SMYD1: variants seen among roughly 807,000 people sequenced by gnomAD.
SMYD1 encodes the protein histone-lysine N-methyltransferase SMYD1.
In SMYD1, 49 loss-of-function variants were observed where a neutral mutation model predicts 54.0. The observed-to-expected ratio is 0.91, with a 90% CI of 0.72 to 1.15. The LOEUF (loss-of-function observed/expected upper bound fraction) is 1.15, where lower values mean the gene tolerates loss of function less well. Among genes scored for constraint, SMYD1 ranks in the 50% most tolerant of loss-of-function variants. The pLI, the probability that SMYD1 is intolerant of heterozygous loss-of-function variation, is 0.00. For missense variants in SMYD1, 653 were observed against 639.6 expected (o/e 1.02, Z -0.23); for synonymous variants, 269 against 234.2 (o/e 1.15, Z -1.36).
chr2:88,068,143 A>T (rs1673871968), intron 1 of SMYD1, 142 bp downstream of exon 1: 1 of 1,187,956 alleles, frequency 8.4e-7, no homozygotes, highest in African/African-American at 1.5e-5. Context: ...CTGAGAGCTA[A>T]TTTTTCTGGC....
In SMYD1 at chr2:88,084,514, G is replaced by T. The variant is rs773888702; in HGVS notation, c.314+22G>T. On this transcript the variant is annotated intron_variant, in intron 2 of 9. Coordinates refer to ENST00000419482, the MANE Select transcript of SMYD1 (RefSeq NM_198274.4). Reference sequence around the variant, plus strand: ...TCAGGTGAGAGCTGGGCACCCTGGTGGTGCTTCAGATTTCCAAATGTCAGG... The same window carrying T: ...TCAGGTGAGAGCTGGGCACCCTGGTTGTGCTTCAGATTTCCAAATGTCAGG... 2.6e-6 allele frequency: 4 copies of T among 1,552,994 alleles called. No individual in the cohort carries two copies. The Admixed American group carries it at 5.2e-5, about 20-fold the overall frequency.
At chr2:88,072,353 G>A (rs1332957192) in intron 1 of SMYD1, among the ~76,000 whole-genome samples, 1 of 152,170 alleles carries the variant, frequency 6.6e-6, no homozygotes, top group Non-Finnish European at 1.5e-5. Flanking sequence ...GTTTCACCCT[G>A]TTGCCCAGGC....
intron 8 of SMYD1, among the ~76,000 whole-genome samples, chr2:88,107,014 C>T (rs886468038): frequency 2.0e-5 from 3 of 152,094 alleles, no homozygotes; most frequent in African/African-American, 7.2e-5. Context: ...TCCCGGCTAA[C>T]ATGGTGAAAC....
At chr2:88,106,568 T>A in intron 8 of SMYD1, 80 bp downstream of exon 8, 1 of 1,471,336 alleles carries the variant, frequency 6.8e-7, no homozygotes, top group Admixed American at 1.8e-5. Flanking sequence ...GCACATTTAC[T>A]GGTGCCTCTC....
At chr2:88,093,403 G>T in intron 4 of SMYD1, 114 bp from the exon 5 acceptor site, 1 of 1,246,944 alleles carries the variant, frequency 8.0e-7, no homozygotes, top group Non-Finnish European at 1.2e-6. Flanking sequence ...AAAGGTTATT[G>T]TGATGGCCAA....
At chr2:88,104,330 T>G (rs943399007) in intron 7 of SMYD1, among the ~76,000 whole-genome samples, 6 of 152,344 alleles carry the variant, frequency 3.9e-5, no homozygotes, top group Middle Eastern at 3.4e-3. Flanking sequence ...ATTGCACATT[T>G]CTAAACCCTT....
intron 1 of SMYD1, among the ~76,000 whole-genome samples, chr2:88,074,184 G>T (rs1461422495): frequency 1.3e-5 from 2 of 152,196 alleles, no homozygotes; most frequent in Non-Finnish European, 2.9e-5. Flanking sequence ...TCCCTTTGCT[G>T]CTGTCACAAA....
intron 1 of SMYD1, among the ~76,000 whole-genome samples, chr2:88,083,556 T>C (rs986682258): frequency 6.6e-6 from 1 of 152,186 alleles, no homozygotes; most frequent in Non-Finnish European, 1.5e-5. Context: ...ATCAGTAATC[T>C]TGTCATTCTT....
intron 1 of SMYD1, among the ~76,000 whole-genome samples, chr2:88,074,865 C>T (rs981811167): frequency 2.6e-5 from 4 of 152,012 alleles, no homozygotes; most frequent in African/African-American, 4.8e-5. Flanking sequence ...TTCTTAGGTG[C>T]GGCAGAGCAG....
intron 1 of SMYD1, among the ~76,000 whole-genome samples, chr2:88,079,539 G>A (rs1177112014): frequency 1.3e-5 from 2 of 152,018 alleles, no homozygotes; most frequent in Non-Finnish European, 1.5e-5. Flanking sequence ...CTGAGTAAGG[G>A]GTCTTTGCAC....
At chr2:88,108,295 C>T in intron 8 of SMYD1, 76 bp from the exon 9 acceptor site, 2 of 1,402,410 alleles carry the variant, frequency 1.4e-6, no homozygotes, top group Non-Finnish European at 1.9e-6. Flanking sequence ...AACAAGGGCA[C>T]TTTATACATT....
At position 88,110,467 on chromosome 2, in the gene SMYD1, G is replaced by A; in HGVS notation, c.1428G>A (p.Glu476=). 1 of 1,598,596 alleles carries A rather than the reference G, an allele frequency of 6.3e-7. No homozygotes were observed. The highest frequency in any genetic ancestry group is 8.5e-7 in the Non-Finnish European group (1 of 1,172,380). ...LNNQPMQVMA[E]PSNEPSPALF... is the part of the protein sequence containing the mutation. Reference sequence around the variant, plus strand: ...ACCAGCCCATGCAGGTCATGGCCGAGCCCAGCAATGAGCCATCCCCAGCTC... The same window carrying A: ...ACCAGCCCATGCAGGTCATGGCCGAACCCAGCAATGAGCCATCCCCAGCTC... The change falls in exon 10 of 10, where the codon GAG becomes GAA. Residue 476 remains glutamate (E), a synonymous_variant. Transcript: ENST00000419482.
At chr2:88,090,683 A>G (rs2103996116) in intron 3 of SMYD1, among the ~76,000 whole-genome samples, 1 of 152,316 alleles carries the variant, frequency 6.6e-6, no homozygotes, top group Non-Finnish European at 1.5e-5. Flanking sequence ...ACAGAGAGAA[A>G]AACCAAGACA....
At chr2:88,068,287 T>C (rs1673875268) in intron 1 of SMYD1, among the ~76,000 whole-genome samples, 1 of 151,964 alleles carries the variant, frequency 6.6e-6, no homozygotes, top group Admixed American at 6.6e-5. Flanking sequence ...GTGCTGGGAG[T>C]GGAAAGGTGG....
chr2:88,112,260 T>A lies in SMYD1; in HGVS notation c.*1748T>A, dbSNP rs1675043773. The A allele has an allele frequency of 1.5e-6, 1 of 675,368 alleles. No individual in the cohort carries two copies. Among genetic ancestry groups the A allele is most frequent in the Non-Finnish European group, 2.7e-6 (1 of 368,796 alleles). 41.8% of individuals were successfully genotyped at this position (675,368 alleles called of 1,614,324 possible). ...AACCTTTTTCCCTTCTTTGTCATTG[T>A]TATCTGCTAAGCCCCTGGTCATTTC... On this transcript the variant is annotated 3_prime_UTR_variant, in exon 10 of 10. Transcript: ENST00000419482.
intron 1 of SMYD1, among the ~76,000 whole-genome samples, chr2:88,076,224 T>G (rs1674058651): frequency 6.6e-6 from 1 of 152,138 alleles, no homozygotes; most frequent in African/African-American, 2.4e-5. Flanking sequence ...CTTTATCTTT[T>G]TTGTTTTTGA....
At chr2:88,093,057 A>G (rs1427339526) in intron 4 of SMYD1, among the ~76,000 whole-genome samples, 2 of 152,234 alleles carry the variant, frequency 1.3e-5, no homozygotes, top group South Asian at 2.1e-4. Context: ...TTGAACCCCA[A>G]CAATTTTTAC....
At chr2:88,093,869 TA>T (rs1195664631) in intron 5 of SMYD1, among the ~76,000 whole-genome samples, 4 of 152,178 alleles carry the variant, frequency 2.6e-5, no homozygotes, top group African/African-American at 9.7e-5. Flanking sequence ...CTTGTCTCCC[TA>T]AACCCTGCTT....
At chr2:88,090,898 TA>T in intron 3 of SMYD1, 113 bp from the exon 4 acceptor site, 1 of 1,216,762 alleles carries the variant, frequency 8.2e-7, no homozygotes. Context: ...CCAGACTCCC[TA>T]AGCATCTCCA....
Sources: gnomAD v4.1 joint callset for allele counts (sites outside exome capture counted in the v4.1 genomes callset) on GRCh38, gnomAD v4.1.1 for gene constraint, MANE v1.5 for transcripts, NCBI Gene and HGNC (gene_info 2026-07-23, HGNC 2026-07-21) for gene names.